KDM2B: variants seen among roughly 807,000 people sequenced by gnomAD.
The protein encoded by KDM2B is lysine demethylase 2B, also known as lysine-specific demethylase 2B.
Under a neutral mutation model 150.0 loss-of-function variants are expected in KDM2B, and 26 were observed. That is an observed-to-expected ratio of 0.17 (90% CI 0.13 to 0.24). The LOEUF is 0.24. Ranked by LOEUF, KDM2B falls within the 10% of genes least tolerant of loss-of-function variation. The pLI is 1.00. For missense variants in KDM2B, 1,265 were observed against 1,816.9 expected, an observed-to-expected ratio of 0.70 and a Z score of 5.52; for synonymous variants, 734 against 729.5, an observed-to-expected ratio of 1.01 and a Z score of -0.10.
intron 12 of KDM2B, 33 bp downstream of exon 12, chr12:121,494,546 G>GCGGC (rs782594650): frequency 4.5e-6 from 7 of 1,571,668 alleles, no homozygotes; most frequent in African/African-American, 1.4e-5. Context: ...GAGGTGGGAA[G>GCGGC]CGGCCGCCCG....
Position 121,518,045 on chromosome 12 carries a change from A to C in KDM2B, c.1047+2940T>G, listed in dbSNP as rs1291855573. On this transcript the variant is annotated intron_variant, in intron 9 of 22. Transcript: ENST00000377071. This position sits in a 1 kb window ranked among gnomAD's most constrained non-coding sequence, Gnocchi z 4.4. ...GTAGCTGGGATTACAGGCACACACC[A>C]CCATGCTCGGCTAATTTTTGTATTT... 6.7e-6 allele frequency among the ~76,000 whole-genome samples: 1 copy of C among 150,360 alleles called. No individual in the cohort carries two copies. The highest frequency in any genetic ancestry group is 1.5e-5 in the Non-Finnish European group (1 of 67,664).
chr12:121,506,871 G>A (rs1413684277), intron 11 of KDM2B, among the ~76,000 whole-genome samples: 1 of 152,118 alleles, frequency 6.6e-6, no homozygotes, highest in Non-Finnish European at 1.5e-5. Flanking sequence ...CAGAGGTGGA[G>A]GTTGTAGTGA....
rs781930262 is a variant in KDM2B, at chr12:121,442,980, G to A, written c.2604+12C>T. The A allele has an allele frequency of 3.7e-6, 6 of 1,613,080 alleles. No individual in the cohort carries two copies. The African/African-American group carries it at 6.7e-5, about 18-fold the overall frequency. On this transcript the variant is annotated intron_variant, in intron 18 of 22. Transcript: ENST00000377071. The surrounding 1 kb of genome is among the most constrained non-coding windows in gnomAD (Gnocchi z 7.7). ...TCAGGCCTGGGGCACAGGAGGGAGG[G>A]GAAGATGGTACCTTTTTCCTGAAAA...
At chr12:121,536,026 T>TC in intron 6 of KDM2B, 1 of 984,970 alleles carries the variant, frequency 1.0e-6, no homozygotes, top group Non-Finnish European at 1.2e-6. Context: ...TGACCTCTTT[T>TC]CCCCGCTGCA....
intron 4 of KDM2B, among the ~76,000 whole-genome samples, chr12:121,562,200 C>T (rs1265284329): frequency 6.6e-6 from 1 of 150,810 alleles, no homozygotes; most frequent in East Asian, 2.0e-4. Flanking sequence ...TTAAAAAGGC[C>T]TGGCCAGCAC....
chr12:121,524,951 G>A (rs889908546), intron 8 of KDM2B, among the ~76,000 whole-genome samples: 14 of 151,850 alleles, frequency 9.2e-5, no homozygotes, highest in African/African-American at 1.2e-4. Context: ...CAACCTGAGC[G>A]TCTGCTCAGG....
intron 9 of KDM2B, chr12:121,516,721 G>A: frequency 1.6e-6 from 1 of 634,070 alleles, no homozygotes; most frequent in Non-Finnish European, 2.8e-6. Context: ...CTTCCTCGGA[G>A]GTCCAAGTCA....
chr12:121,439,984 G>A lies in KDM2B; in HGVS notation c.3702C>T (p.Ile1234=). The A allele has an allele frequency of 1.2e-6, 2 of 1,614,190 alleles. No individual in the cohort carries two copies. Among genetic ancestry groups the A allele is most frequent in the Non-Finnish European group, 1.7e-6 (2 of 1,180,026 alleles). ...GCTTGGAGAGCAGGGGCATGTGGCG[G>A]ATGATGAGCCGCAGGGAGGCATCTG... ...DITDASLRLI[I]RHMPLLSKLH... Residue 1234 remains isoleucine (I), a synonymous_variant, in exon 22 of 23, where the codon ATC becomes ATT. Coordinates refer to ENST00000377071, the MANE Select transcript of KDM2B (RefSeq NM_032590.5).
chr12:121,436,744 G>A (rs1260821484), intron 22 of KDM2B, among the ~76,000 whole-genome samples: 3 of 152,174 alleles, frequency 2.0e-5, no homozygotes, highest in East Asian at 1.9e-4. Flanking sequence ...CATGGTAGGT[G>A]AAATGGACTC....
intron 12 of KDM2B, among the ~76,000 whole-genome samples, chr12:121,489,135 G>A (rs924320970): frequency 3.9e-5 from 6 of 151,952 alleles, no homozygotes; most frequent in Non-Finnish European, 8.8e-5. Flanking sequence ...AGTAAAGATG[G>A]TGTTTCACCA....
chr12:121,418,723 CTTTT>C, the KDM2B span: 1 of 148,764 alleles, frequency 6.7e-6, no homozygotes, highest in Non-Finnish European at 1.5e-5. Flanking sequence ...CATAGCAAGA[CTTTT>C]TTTTTTGTTT....
At chr12:121,500,557 G>A (rs141763059) in intron 11 of KDM2B, among the ~76,000 whole-genome samples, 25 of 152,326 alleles carry the variant, frequency 1.6e-4, no homozygotes, top group African/African-American at 5.8e-4. Context: ...TCCATGCCAT[G>A]ACTAAAAATA....
At chr12:121,565,030 A>G (rs1417607270) in intron 4 of KDM2B, among the ~76,000 whole-genome samples, 2 of 152,006 alleles carry the variant, frequency 1.3e-5, no homozygotes, top group Non-Finnish European at 2.9e-5. Flanking sequence ...GAGGGGTTTC[A>G]TCATGTTGCC....
intron 22 of KDM2B, among the ~76,000 whole-genome samples, chr12:121,437,268 A>T (rs988330565): frequency 6.6e-6 from 1 of 152,212 alleles, no homozygotes; most frequent in African/African-American, 2.4e-5. Flanking sequence ...ATAGAAACTA[A>T]GCAAAATGAG....
downstream of KDM2B, among the ~76,000 whole-genome samples, chr12:121,424,710 CAAA>C (rs112812260): frequency 0.21 from 24,160 of 116,414 alleles, 2,663 homozygotes; most frequent in Middle Eastern, 0.35. Context: ...GACCTTGTCT[CAAA>C]AAAAAAAAAA....
At position 121,575,309 on chromosome 12, in the gene KDM2B, CA is replaced by C. The variant is rs1891428930; in HGVS notation, c.350+471del. 1.3e-5 allele frequency among the ~76,000 whole-genome samples: 2 copies of C among 152,172 alleles called. No individual in the cohort carries two copies. The highest frequency in any genetic ancestry group is 6.6e-5 in the Admixed American group (1 of 15,260). ...ACAGATCTCAGTGAATGAAAACAGACATAGTGGAGGGGCAAGCTGCAGGGCA... is the reference window on the plus strand; with the variant it reads ...ACAGATCTCAGTGAATGAAAACAGACTAGTGGAGGGGCAAGCTGCAGGGCA... On this transcript the variant is annotated intron_variant, in intron 3 of 22. Coordinates refer to ENST00000377071, the MANE Select transcript of KDM2B (RefSeq NM_032590.5). The surrounding 1 kb of genome is among the most constrained non-coding windows in gnomAD (Gnocchi z 4.4).
Position 121,440,904 on chromosome 12 carries a change from C to A in KDM2B, c.3522G>T (p.Leu1174=), listed in dbSNP as rs34606562. The A allele has an allele frequency of 5.4e-3, 8,688 of 1,614,024 alleles. 439 individuals carry two copies. In the African/African-American group the frequency reaches 0.1, roughly 19 times the overall value. Residue 1174 remains leucine (L), a synonymous_variant, in exon 21 of 23, where the codon CTG becomes CTT. Coordinates refer to ENST00000377071, the MANE Select transcript of KDM2B (RefSeq NM_032590.5). ...VSALCSSSCP[L]LRTLDVQWVE... is the part of the protein sequence containing the mutation. Reference sequence around the variant, plus strand: ...CCCACTGGACATCCAGGGTCCGGAGCAGCGGACAACTGGAGCTGCAAAGGG... The same window carrying A: ...CCCACTGGACATCCAGGGTCCGGAGAAGCGGACAACTGGAGCTGCAAAGGG...
chr12:121,506,568 C>T (rs965068670), intron 11 of KDM2B, among the ~76,000 whole-genome samples: 1 of 152,214 alleles, frequency 6.6e-6, no homozygotes, highest in East Asian at 1.9e-4. Context: ...TCTGGGGAGG[C>T]CGAGGCAGGC....
the KDM2B span, among the ~76,000 whole-genome samples, chr12:121,413,415 C>CTT: frequency 0.018 from 2,399 of 130,646 alleles, 75 homozygotes; most frequent in East Asian, 0.13. Flanking sequence ...TTTACCTGTC[C>CTT]TTTTTTTTTT....
Sources: allele counts gnomAD v4.1 joint callset (sites outside exome capture counted in the v4.1 genomes callset), GRCh38; gene constraint gnomAD v4.1.1; non-coding constraint Gnocchi (gnomAD v3.1); transcripts MANE v1.5; gene names NCBI Gene and HGNC (gene_info 2026-07-23, HGNC 2026-07-21).